SLC43A2: variants seen among roughly 807,000 people sequenced by gnomAD.
SLC43A2 encodes large neutral amino acids transporter small subunit 4.
In SLC43A2, 38 loss-of-function variants were observed where a neutral mutation model predicts 63.2. The observed-to-expected ratio is 0.60, with a 90% confidence interval of 0.46 to 0.79. The LOEUF (loss-of-function observed/expected upper bound fraction) is 0.79. SLC43A2 is among the 30% of genes least tolerant of loss of function. SLC43A2 has a pLI of 0.00. For synonymous variants in SLC43A2, 322 were observed against 331.0 expected (o/e 0.97, Z 0.30); for missense variants, 644 against 756.2 (o/e 0.85, Z 1.74).
intron 5 of SLC43A2, among the ~76,000 whole-genome samples, chr17:1,594,666 C>T (rs1172960348): frequency 6.9e-6 from 1 of 144,146 alleles, no homozygotes; most frequent in African/African-American, 2.6e-5. Context: ...CGGCTCACTG[C>T]AAGCTCCGCC....
In SLC43A2 at chr17:1,572,730, T is replaced by TC. The variant is rs1332521861; in HGVS notation, c.*2873dup. The TC allele has an allele frequency of 2.0e-5, 3 of 152,726 alleles. No individual in the cohort carries two copies. The highest frequency in any genetic ancestry group is 2.9e-5 in the Non-Finnish European group (2 of 68,500). The allele number at this position is 152,726 out of a possible 1,614,324, so 9.5% of individuals were successfully genotyped here. A position where few individuals can be genotyped will look rare whatever the true frequency, so the allele number is the denominator to read the frequency against. Reference sequence around the variant, plus strand: ...CAAGCACTGTTGGCCCTGGACTGTTTCCCCCCCTCAATTCTGTTTCTCAAT... The same window carrying TC: ...CAAGCACTGTTGGCCCTGGACTGTTTCCCCCCCCTCAATTCTGTTTCTCAAT... On this transcript the variant is annotated 3_prime_UTR_variant, in exon 14 of 14. Coordinates refer to ENST00000301335, the MANE Select transcript of SLC43A2 (RefSeq NM_152346.3).
In SLC43A2 at chr17:1,593,800, G is replaced by A. The variant is rs910047605; in HGVS notation, c.502-521C>T. 1.3e-5 allele frequency among the ~76,000 whole-genome samples: 2 copies of A among 152,180 alleles called. No individual in the cohort carries two copies. Among genetic ancestry groups the A allele is most frequent in the African/African-American group, 4.8e-5 (2 of 41,532 alleles). On this transcript the variant is annotated intron_variant, in intron 5 of 13. Coordinates refer to ENST00000301335, the MANE Select transcript of SLC43A2 (RefSeq NM_152346.3). This position sits in a 1 kb window ranked among gnomAD's most constrained non-coding sequence, Gnocchi z 5.3. ...CAATCAGAATTCTACAGTTCTCTTC[G>A]GTCTGAGGATGAAGCTGGCCCAGGA... is the stretch of plus-strand genomic sequence containing the variant.
At position 1,605,732 on chromosome 17, in the gene SLC43A2, C is replaced by T. The variant is rs939949526; in HGVS notation, c.501+7463G>A. 4.6e-5 allele frequency among the ~76,000 whole-genome samples: 7 copies of T among 152,186 alleles called. No homozygotes were observed. The highest frequency in any genetic ancestry group is 1.2e-4 in the African/African-American group (5 of 41,444). On this transcript the variant is annotated intron_variant, in intron 5 of 13. Coordinates refer to ENST00000301335, the MANE Select transcript of SLC43A2 (RefSeq NM_152346.3). The surrounding 1 kb of genome is among the most constrained non-coding windows in gnomAD (Gnocchi z 4.9). ...GTACAACCTGCACAGGCCGGGATCC[C>T]GGAACCAGACTGCACAGGTAGACTC...
intron 11 of SLC43A2, among the ~76,000 whole-genome samples, chr17:1,581,244 C>T (rs1395420942): frequency 9.8e-6 from 1 of 101,838 alleles, no homozygotes; most frequent in African/African-American, 3.8e-5. Context: ...GGCCTCCCCA[C>T]CTCAAATGCC....
chr17:1,612,711 C>T (rs1183630526), intron 5 of SLC43A2, among the ~76,000 whole-genome samples: 1 of 152,270 alleles, frequency 6.6e-6, no homozygotes. Context: ...GTGGCTCACG[C>T]CTGTCACCCC....
At chr17:1,586,476 C>G (rs908497678) in intron 9 of SLC43A2, among the ~76,000 whole-genome samples, 1 of 152,122 alleles carries the variant, frequency 6.6e-6, no homozygotes, top group Non-Finnish European at 1.5e-5. Context: ...GTGGGCGGAT[C>G]ACGAGGTCAG....
At position 1,606,494 on chromosome 17, in the gene SLC43A2, C is replaced by T. The variant is rs549281300; in HGVS notation, c.501+6701G>A. On this transcript the variant is annotated intron_variant, in intron 5 of 13. Transcript: ENST00000301335. This position sits in a 1 kb window ranked among gnomAD's most constrained non-coding sequence, Gnocchi z 4.7. The stretch of plus-strand genomic sequence containing the variant: ...GTGGCTTCTGCTGAGAAATCCCCAT[C>T]CCACCCACGGGGACAGGGGTCAGAG... 6.6e-6 allele frequency among the ~76,000 whole-genome samples: 1 copy of T among 152,300 alleles called. No individual in the cohort carries two copies. Among genetic ancestry groups the T allele is most frequent in the Admixed American group, 6.5e-5 (1 of 15,292 alleles).
At chr17:1,586,931 C>CCCCCCCCCCCCCCCCCCCCCCCCCAA in intron 9 of SLC43A2, 1 of 986,030 alleles carries the variant, frequency 1.0e-6, no homozygotes, top group Non-Finnish European at 1.5e-6. Context: ...CTGACAATCC[C>CCCCCCCCCCCCCCCCCCCCCCCCCAA]CCCCACCCCC....
At chr17:1,591,012 C>T in intron 8 of SLC43A2, 64 bp from the exon 9 acceptor site, 1 of 1,506,252 alleles carries the variant, frequency 6.6e-7, no homozygotes, top group South Asian at 1.2e-5. Flanking sequence ...GGGGGACACG[C>T]AGATCCCTCC....
intron 6 of SLC43A2, 25 bp from the exon 7 acceptor site, chr17:1,591,724 T>TCGGGGGGG: frequency 4.6e-6 from 1 of 218,410 alleles, no homozygotes; most frequent in Non-Finnish European, 9.3e-6. Flanking sequence ...GGGGACGGGG[T>TCGGGGGGG]GGGGGGGGGA....
At position 1,606,612 on chromosome 17, in the gene SLC43A2, A is replaced by G. The variant is rs4790708; in HGVS notation, c.501+6583T>C. 0.023 allele frequency among the ~76,000 whole-genome samples: 3,556 copies of G among 152,278 alleles called. 390 individuals carry two copies. The highest frequency in any genetic ancestry group is 0.19 in the Admixed American group (2,935 of 15,292). On this transcript the variant is annotated intron_variant, in intron 5 of 13. Coordinates refer to ENST00000301335, the MANE Select transcript of SLC43A2 (RefSeq NM_152346.3). This position sits in a 1 kb window ranked among gnomAD's most constrained non-coding sequence, Gnocchi z 4.7. ...TCCGGGTTGGAGGGTGGCGACCCCA[A>G]GATGCGGCCTCAGCCGCCGGCCGTG...
chr17:1,620,834 A>G (rs1192824438), intron 2 of SLC43A2, among the ~76,000 whole-genome samples: 1 of 152,054 alleles, frequency 6.6e-6, no homozygotes, highest in Non-Finnish European at 1.5e-5. Context: ...ACCGTGGGTC[A>G]GGAGAGAGAC....
At chr17:1,591,739 G>GGGGGGGGGGGGGC in intron 6 of SLC43A2, 40 bp from the exon 7 acceptor site, 2 of 512,310 alleles carry the variant, frequency 3.9e-6, no homozygotes, top group Non-Finnish European at 7.8e-6. Context: ...GGGGGAGGGG[G>GGGGGGGGGGGGGC]CAGAGTTAGC....
In SLC43A2 at chr17:1,576,719, A is replaced by C. The variant is rs2075938248; in HGVS notation, c.1426T>G (p.Tyr476Asp). 3 of 1,609,000 alleles carry C rather than the reference A, an allele frequency of 1.9e-6. No individual in the cohort carries two copies. The highest frequency in any genetic ancestry group is 2.5e-6 in the Non-Finnish European group (3 of 1,179,794). Residue 476 changes from tyrosine to aspartate, a missense_variant and splice_region_variant, in exon 13 of 14, where the codon TAC becomes GAC. Transcript: ENST00000301335. ...AGGCTGCCGAACTGGGTGGAGGGGT[A>C]CCTGCAGGGCAAGCGACAGCTCACA... is the stretch of plus-strand genomic sequence containing the variant. ...SAVGGLYAAV[Y>D]PSTQFGSLTG...
chr17:1,583,162 C>G lies in SLC43A2; in HGVS notation c.1350+42G>C. ...TTGAGTCTTTACATGTTCCTTCTGA[C>G]TGCCCCACCTCCCACCTGCCCCTCC... On this transcript the variant is annotated intron_variant, in intron 11 of 13. Transcript: ENST00000301335. This position sits in a 1 kb window ranked among gnomAD's most constrained non-coding sequence, Gnocchi z 5.5. The G allele has an allele frequency of 1.3e-6, 2 of 1,598,402 alleles. No homozygotes were observed. Among genetic ancestry groups the G allele is most frequent in the Non-Finnish European group, 8.6e-7 (1 of 1,166,986 alleles).
At chr17:1,576,555 G>A in intron 13 of SLC43A2, 42 bp downstream of exon 13, 2 of 1,563,372 alleles carry the variant, frequency 1.3e-6, no homozygotes, top group African/African-American at 1.4e-5. Context: ...TTAGCAGAAG[G>A]GGGCAGGCGC....
In SLC43A2 at chr17:1,570,696, C is replaced by G. The variant is rs551797665; in HGVS notation, c.*4908G>C. 6.6e-6 allele frequency: 1 copy of G among 151,278 alleles called. No homozygotes were observed. The allele number at this position is 151,278 out of a possible 1,614,324, so 9.4% of individuals were successfully genotyped here. A position where few individuals can be genotyped will look rare whatever the true frequency, so the allele number is the denominator to read the frequency against. The stretch of plus-strand genomic sequence containing the variant: ...AGAGACGGGGTTTCACCGTTTTAGC[C>G]GGGATGGTCTTGATCTCCTGACCTC... On this transcript the variant is annotated 3_prime_UTR_variant, in exon 14 of 14. Transcript: ENST00000301335.
intron 2 of SLC43A2, 46 bp downstream of exon 2, chr17:1,627,669 A>ACCCCCCC: frequency 1.8e-6 from 2 of 1,127,288 alleles, no homozygotes; most frequent in Non-Finnish European, 2.4e-6. Context: ...CCCCTCCCAA[A>ACCCCCCC]GCCCCAGCTC....
chr17:1,605,819 G>A lies in SLC43A2; in HGVS notation c.501+7376C>T, dbSNP rs1337389229. Among the ~76,000 whole-genome samples, 1 of 152,170 alleles carries A rather than the reference G, an allele frequency of 6.6e-6. No homozygotes were observed. Among genetic ancestry groups the A allele is most frequent in the East Asian group, 1.9e-4 (1 of 5,188 alleles). ...GCACCTCCAAGCACATGCTGCCCGG[G>A]ACAAGGTCCTTGTGGTCACCTTTCT... is the stretch of plus-strand genomic sequence containing the variant. On this transcript the variant is annotated intron_variant, in intron 5 of 13. Coordinates refer to ENST00000301335, the MANE Select transcript of SLC43A2 (RefSeq NM_152346.3). The surrounding 1 kb of genome is among the most constrained non-coding windows in gnomAD (Gnocchi z 4.9).
Sources: allele counts gnomAD v4.1 joint callset (sites outside exome capture counted in the v4.1 genomes callset), GRCh38; gene constraint gnomAD v4.1.1; non-coding constraint Gnocchi (gnomAD v3.1); transcripts MANE v1.5; gene names NCBI Gene and HGNC (gene_info 2026-07-23, HGNC 2026-07-21).